EML6: variants seen among roughly 807,000 people sequenced by gnomAD.
EML6 encodes the protein EMAP like 6.
A neutral mutation model predicts 240.1 loss-of-function variants in EML6; 154 were observed. The observed-to-expected ratio is 0.64, with a 90% CI of 0.56 to 0.73. The LOEUF (loss-of-function observed/expected upper bound fraction) is 0.73. Among genes scored for constraint, EML6 ranks in the 30% least tolerant of loss-of-function variants. The pLI is 0.00. For missense variants in EML6, 2,964 were observed against 2,474.6 expected (o/e 1.20, Z -4.20); for synonymous variants, 1,148 against 899.0 (o/e 1.28, Z -4.95).
At chr2:54,943,931 G>A (rs1675554539) in intron 28 of EML6, among the ~76,000 whole-genome samples, 1 of 152,154 alleles carries the variant, frequency 6.6e-6, no homozygotes. Flanking sequence ...GAATTGGACA[G>A]TGCGTGTTAG....
intron 23 of EML6, 72 bp from the exon 24 acceptor site, chr2:54,903,299 A>T: frequency 6.6e-7 from 1 of 1,525,628 alleles, no homozygotes. Context: ...TCCCACTTTT[A>T]AAATACTAAG....
At chr2:54,750,837 G>T (rs1572855330) in intron 2 of EML6, among the ~76,000 whole-genome samples, 1 of 152,236 alleles carries the variant, frequency 6.6e-6, no homozygotes, top group African/African-American at 2.4e-5. Context: ...TATGACTGTA[G>T]CCCAGAATGG....
chr2:54,969,438 T>A (rs1344267852), intron 41 of EML6, among the ~76,000 whole-genome samples: 1 of 152,204 alleles, frequency 6.6e-6, no homozygotes, highest in Admixed American at 6.5e-5. Flanking sequence ...GTATTTCTCA[T>A]GGCCTGCCTG....
Position 54,970,112 on chromosome 2 carries a change from T to C in EML6, c.*17T>C. On this transcript the variant is annotated 3_prime_UTR_variant, in exon 42 of 42. Transcript: ENST00000356458. ...TGTCTGTAAAATGCCAGAAGCCTCT[T>C]ATGTTATTGCTGCTGCTGCTACCAG... is the stretch of plus-strand genomic sequence containing the variant. The C allele has an allele frequency of 6.4e-7, 1 of 1,551,598 alleles. No individual in the cohort carries two copies. Among genetic ancestry groups the C allele is most frequent in the Non-Finnish European group, 8.7e-7 (1 of 1,146,876 alleles).
intron 2 of EML6, among the ~76,000 whole-genome samples, chr2:54,768,579 C>T (rs1553374175): frequency 1.3e-5 from 2 of 152,102 alleles, no homozygotes; most frequent in Non-Finnish European, 2.9e-5. Context: ...GGAATGTCCA[C>T]GAAAATGTTT....
intron 7 of EML6, among the ~76,000 whole-genome samples, chr2:54,841,886 C>T (rs1330748368): frequency 6.6e-6 from 1 of 151,774 alleles, no homozygotes; most frequent in Admixed American, 6.6e-5. Flanking sequence ...AGCCACCGTG[C>T]CTTGCCATTT....
chr2:54,849,296 T>A (rs527972864), intron 9 of EML6, among the ~76,000 whole-genome samples: 1 of 152,370 alleles, frequency 6.6e-6, no homozygotes, highest in South Asian at 2.1e-4. Flanking sequence ...TTCTCCCATT[T>A]GGAAATATCT....
At chr2:54,849,916 C>A (rs1161704767) in intron 9 of EML6, 46 bp from the exon 10 acceptor site, 2 of 1,491,318 alleles carry the variant, frequency 1.3e-6, no homozygotes, top group Admixed American at 2.1e-5. Context: ...CTTGGATTTT[C>A]TATTTGTAGA....
chr2:54,801,186 G>T (rs1001578022), intron 2 of EML6, among the ~76,000 whole-genome samples: 1 of 152,032 alleles, frequency 6.6e-6, no homozygotes, highest in African/African-American at 2.4e-5. Flanking sequence ...CGGGCATGGT[G>T]GTGGGCGCCT....
chr2:54,810,254 T>C (rs115879040), intron 2 of EML6, among the ~76,000 whole-genome samples: 2 of 152,292 alleles, frequency 1.3e-5, no homozygotes, highest in East Asian at 1.9e-4. Context: ...GTGGTAAATT[T>C]ATGGGCTTCA....
At chr2:54,871,390 A>T in intron 15 of EML6, 110 bp from the exon 16 acceptor site, 2 of 784,206 alleles carry the variant, frequency 2.6e-6, no homozygotes, top group Non-Finnish European at 4.3e-6. Context: ...GGGTCCTTCT[A>T]TTCTCCAAAT....
At chr2:54,819,954 A>T (rs1294483048) in intron 4 of EML6, among the ~76,000 whole-genome samples, 2 of 152,142 alleles carry the variant, frequency 1.3e-5, no homozygotes, top group Non-Finnish European at 2.9e-5. Context: ...ATTACTAGAG[A>T]CTGTTGGCCG....
At chr2:54,923,395 ACAC>A (rs1674368835) in intron 26 of EML6, among the ~76,000 whole-genome samples, 2 of 151,738 alleles carry the variant, frequency 1.3e-5, no homozygotes, top group African/African-American at 4.8e-5. Context: ...ACACACACAC[ACAC>A]ACACACAATG....
intron 12 of EML6, among the ~76,000 whole-genome samples, chr2:54,862,338 TAAAAAAA>T (rs35834327): frequency 2.7e-5 from 1 of 37,698 alleles, no homozygotes; most frequent in Non-Finnish European, 4.7e-5. Flanking sequence ...ACTCCATCTC[TAAAAAAA>T]AAAAAAAAAA....
At chr2:54,795,217 A>C (rs916551867) in intron 2 of EML6, among the ~76,000 whole-genome samples, 1 of 152,178 alleles carries the variant, frequency 6.6e-6, no homozygotes, top group Non-Finnish European at 1.5e-5. Context: ...ACACTTCAGC[A>C]TGGGTGGGGA....
intron 24 of EML6, among the ~76,000 whole-genome samples, chr2:54,905,249 T>A (rs562318633): frequency 2.0e-5 from 3 of 151,094 alleles, no homozygotes; most frequent in Non-Finnish European, 4.4e-5. Flanking sequence ...AAAGCAGTGA[T>A]TTCTCCCTAT....
intron 31 of EML6, among the ~76,000 whole-genome samples, chr2:54,953,453 T>G (rs1231614929): frequency 6.6e-6 from 1 of 152,208 alleles, no homozygotes; most frequent in African/African-American, 2.4e-5. Context: ...TAAAATCCTC[T>G]GCAAGTGTGT....
At chr2:54,728,802 C>G (rs1683023976) in intron 2 of EML6, among the ~76,000 whole-genome samples, 1 of 152,166 alleles carries the variant, frequency 6.6e-6, no homozygotes, top group Non-Finnish European at 1.5e-5. Context: ...AGTCCAGATT[C>G]CTAAGCTTTC....
intron 17 of EML6, chr2:54,880,797 G>T (rs907797190): frequency 6.6e-6 from 1 of 152,070 alleles, no homozygotes; most frequent in Non-Finnish European, 1.5e-5. Flanking sequence ...TAATATTTCT[G>T]ATAATATACC....
Sources: allele counts gnomAD v4.1 joint callset (sites outside exome capture counted in the v4.1 genomes callset), GRCh38; gene constraint gnomAD v4.1.1; transcripts MANE v1.5; gene names NCBI Gene and HGNC (gene_info 2026-07-23, HGNC 2026-07-21).